The following MSH3 variants were observed in gnomAD, a reference collection of about 807,000 sequenced individuals.
MSH3 encodes DNA mismatch repair protein Msh3.
In MSH3, 106 loss-of-function variants were observed where a neutral mutation model predicts 123.3. That is an observed-to-expected ratio of 0.86 (90% confidence interval 0.73 to 1.01). MSH3 has a LOEUF of 1.01. Ranked by LOEUF, MSH3 falls within the 50% of genes least tolerant of loss-of-function variation. The probability of loss-of-function intolerance (pLI) is 0.00; values close to 1 mark genes in which losing one functional copy is unlikely to be tolerated. For missense variants in MSH3, 1,459 were observed against 1,347.6 expected, an observed-to-expected ratio of 1.08 and a Z score of -1.29; for synonymous variants, 515 against 481.4, an observed-to-expected ratio of 1.07 and a Z score of -0.91.
intron 20 of MSH3, among the ~76,000 whole-genome samples, chr5:80,853,113 T>C (rs1256225832): frequency 2.0e-5 from 3 of 152,194 alleles, no homozygotes; most frequent in Admixed American, 6.5e-5. Context: ...CAAGGTGCTC[T>C]GGAAGACATT....
chr5:80,763,267 G>A (rs889460848), intron 13 of MSH3, among the ~76,000 whole-genome samples: 3 of 152,186 alleles, frequency 2.0e-5, no homozygotes, highest in African/African-American at 7.2e-5. Flanking sequence ...TACTTGAGGT[G>A]CCCAAGAGGA....
At position 80,670,103 on chromosome 5, in the gene MSH3, A is replaced by G. The variant is rs768793171; in HGVS notation, c.586A>G (p.Thr196Ala). The change falls in exon 4 of 24, where the codon ACA (threonine) becomes GCA (alanine). Residue 196 changes from threonine to alanine, a missense_variant. Coordinates refer to ENST00000265081, the MANE Select transcript of MSH3 (RefSeq NM_002439.5). ...TACATCTTTTGGTTGCCAGGACACA[A>G]CACTTTTTGATCTCAGTCAGTTTGG... ...SKRQINQKDTTLFDLSQFGSS... is the reference protein window; with the variant it reads ...SKRQINQKDTALFDLSQFGSS... The G allele has an allele frequency of 1.2e-6, 2 of 1,614,094 alleles. No homozygotes were observed. The highest frequency in any genetic ancestry group is 1.3e-5 in the African/African-American group (1 of 75,032).
intron 20 of MSH3, among the ~76,000 whole-genome samples, chr5:80,824,900 C>A (rs907998629): frequency 9.9e-5 from 15 of 152,142 alleles, no homozygotes; most frequent in Non-Finnish European, 2.1e-4. Flanking sequence ...TCTGAGAGCT[C>A]CGTCTGGGAC....
At chr5:80,767,012 T>C (rs965802195) in intron 13 of MSH3, among the ~76,000 whole-genome samples, 3 of 152,270 alleles carry the variant, frequency 2.0e-5, no homozygotes, top group African/African-American at 7.2e-5. Flanking sequence ...ATAAACATAC[T>C]GTATATATTC....
intron 6 of MSH3, among the ~76,000 whole-genome samples, chr5:80,673,388 G>T (rs551907584): frequency 6.6e-6 from 1 of 152,230 alleles, no homozygotes; most frequent in African/African-American, 2.4e-5. Flanking sequence ...AATTAGCTGG[G>T]CATGTTGGCA....
In MSH3 at chr5:80,657,201, G is replaced by A. The variant is rs1375482672; in HGVS notation, c.358+670G>A. 6.6e-5 allele frequency among the ~76,000 whole-genome samples: 10 copies of A among 152,176 alleles called. No individual in the cohort carries two copies. In the East Asian group the frequency reaches 1.9e-3, roughly 29 times the overall value. On this transcript the variant is annotated intron_variant, in intron 2 of 23. Coordinates refer to ENST00000265081, the MANE Select transcript of MSH3 (RefSeq NM_002439.5). ...CACACCTGTAATCTCAGCACTTTGGGAGGCCAAGGCAGGTGGATCACCTGA... is the reference window on the plus strand; with the variant it reads ...CACACCTGTAATCTCAGCACTTTGGAAGGCCAAGGCAGGTGGATCACCTGA...
At chr5:80,767,612 T>C (rs901753661) in intron 13 of MSH3, among the ~76,000 whole-genome samples, 5 of 152,172 alleles carry the variant, frequency 3.3e-5, no homozygotes, top group East Asian at 1.9e-4. Flanking sequence ...GTGTCTGTTA[T>C]GCCTTACAGA....
chr5:80,661,918 C>T (rs1677703), intron 2 of MSH3, among the ~76,000 whole-genome samples: 41,142 of 152,020 alleles, frequency 0.27, 5,772 homozygotes, highest in Middle Eastern at 0.35. Context: ...TCACATTCTA[C>T]GGCTTGACCT....
At chr5:80,796,794 C>T (rs1157523362) in intron 19 of MSH3, among the ~76,000 whole-genome samples, 2 of 152,088 alleles carry the variant, frequency 1.3e-5, no homozygotes, top group East Asian at 3.9e-4. Flanking sequence ...TGTCCCCTTC[C>T]TTGATTCACT....
chr5:80,748,332 T>C (rs1217315808), intron 12 of MSH3, among the ~76,000 whole-genome samples: 1 of 152,224 alleles, frequency 6.6e-6, no homozygotes, highest in African/African-American at 2.4e-5. Flanking sequence ...TAAAATGGTC[T>C]CTTTGGTGCA....
chr5:80,761,280 C>T (rs1744027145), intron 12 of MSH3, among the ~76,000 whole-genome samples: 1 of 152,178 alleles, frequency 6.6e-6, no homozygotes, highest in Admixed American at 6.5e-5. Flanking sequence ...TCCCAGGTTC[C>T]ACCCAGGAGG....
At chr5:80,723,094 AAAAT>A (rs57338891) in intron 8 of MSH3, among the ~76,000 whole-genome samples, 18,393 of 144,376 alleles carry the variant, frequency 0.13, 1,606 homozygotes, top group East Asian at 0.33. Context: ...ACTCTGTCTA[AAAAT>A]AAATAAATAA....
Position 80,654,723 on chromosome 5 carries a change from C to T in MSH3, c.-5C>T, listed in dbSNP as rs781771195. ...CTGCCGCCGGGCTGCCATCCTTGCC[C>T]TGCCATGTCTCGCCGGAAGCCTGCG... On this transcript the variant is annotated 5_prime_UTR_variant, in exon 1 of 24. Coordinates refer to ENST00000265081, the MANE Select transcript of MSH3 (RefSeq NM_002439.5). The T allele has an allele frequency of 8.1e-6, 13 of 1,595,940 alleles. No homozygotes were observed. The Admixed American group carries it at 1.9e-4, about 23-fold the overall frequency.
rs751236312 is a variant in MSH3 at position 80,768,885 on chromosome 5, TAAA to T, written c.2139_2141del (p.Lys714del). On this transcript the variant is annotated inframe_deletion, in exon 15 of 24. Transcript: ENST00000265081. Reference sequence around the variant, plus strand: ...AAAGACCTTTCTGACTTCCCTTTAATAAAAAAGAGGAAGGATGAAATTCAAGGT... The same window carrying T: ...AAAGACCTTTCTGACTTCCCTTTAATAAAGAGGAAGGATGAAATTCAAGGT... The T allele has an allele frequency of 6.2e-7, 1 of 1,611,940 alleles. No individual in the cohort carries two copies. Among genetic ancestry groups the T allele is most frequent in the South Asian group, 1.1e-5 (1 of 90,950 alleles).
intron 8 of MSH3, among the ~76,000 whole-genome samples, chr5:80,714,156 G>A (rs1242637242): frequency 1.2e-5 from 1 of 84,512 alleles, no homozygotes; most frequent in African/African-American, 4.6e-5. Flanking sequence ...TTTTTTTTGA[G>A]ATGGAGTCTC....
intron 10 of MSH3, among the ~76,000 whole-genome samples, chr5:80,734,879 A>G (rs1743476240): frequency 6.6e-6 from 1 of 152,092 alleles, no homozygotes; most frequent in Non-Finnish European, 1.5e-5. Context: ...TTCCTCTCTC[A>G]GGGTCACGGT....
At chr5:80,874,336 C>G (rs529666831) in intron 23 of MSH3, among the ~76,000 whole-genome samples, 184 of 152,302 alleles carry the variant, frequency 1.2e-3, no homozygotes, top group Admixed American at 2.5e-3. Context: ...CTGTAGTTCA[C>G]CAAGTCCAGA....
chr5:80,811,486 G>A (rs933066058), intron 19 of MSH3, among the ~76,000 whole-genome samples: 3 of 152,072 alleles, frequency 2.0e-5, no homozygotes, highest in African/African-American at 7.2e-5. Flanking sequence ...AGTTTTGCAT[G>A]TATATTTATG....
At chr5:80,664,839 A>G (rs1749528315) in intron 2 of MSH3, among the ~76,000 whole-genome samples, 1 of 151,888 alleles carries the variant, frequency 6.6e-6, no homozygotes, top group Non-Finnish European at 1.5e-5. Context: ...TCTCATTTGC[A>G]GTTGTTACCT....
Sources: allele counts gnomAD v4.1 joint callset (sites outside exome capture counted in the v4.1 genomes callset), GRCh38; gene constraint gnomAD v4.1.1; transcripts MANE v1.5; gene names NCBI Gene and HGNC (gene_info 2026-07-23, HGNC 2026-07-21).